The following RPA3 variants were observed in gnomAD, a reference collection of about 807,000 sequenced individuals.
RPA3 encodes the protein replication protein A3, also known as replication protein A 14 kDa subunit.
In RPA3, 24 loss-of-function variants were observed where a neutral mutation model predicts 13.7. The ratio of observed to expected loss-of-function variants is 1.75; its 90% CI spans 1.27 to 2.46. The LOEUF (loss-of-function observed/expected upper bound fraction) is 2.46. Ranked by LOEUF, RPA3 falls within the 30% of genes most tolerant of loss-of-function variation. The pLI is 0.00. For missense variants in RPA3, 183 were observed against 151.0 expected (o/e 1.21, Z -1.11); for synonymous variants, 59 against 51.2 (o/e 1.15, Z -0.65).
At chr7:7,694,634 G>T (rs916888658) in intron 2 of RPA3, among the ~76,000 whole-genome samples, 8 of 150,838 alleles carry the variant, frequency 5.3e-5, no homozygotes, top group Non-Finnish European at 8.8e-5. Flanking sequence ...GTGAGAATAT[G>T]TGAAGTTTAT....
chr7:7,667,757 T>C (rs1779503734), intron 4 of RPA3, among the ~76,000 whole-genome samples: 1 of 152,216 alleles, frequency 6.6e-6, no homozygotes, highest in African/African-American at 2.4e-5. Flanking sequence ...AGAAATATTA[T>C]ATTAAAGAAA....
intron 2 of RPA3, among the ~76,000 whole-genome samples, chr7:7,711,832 C>T (rs567420401): frequency 1.3e-5 from 2 of 152,076 alleles, no homozygotes; most frequent in South Asian, 4.1e-4. Context: ...TTTTCCTTAA[C>T]TTTCATATTT....
At chr7:7,682,868 T>C (rs1267021605) in intron 4 of RPA3, among the ~76,000 whole-genome samples, 1 of 152,252 alleles carries the variant, frequency 6.6e-6, no homozygotes, top group Non-Finnish European at 1.5e-5. Flanking sequence ...TGTAGATGCT[T>C]GTTTTTCTAT....
intron 4 of RPA3, among the ~76,000 whole-genome samples, chr7:7,684,811 G>T (rs116841994): frequency 2.0e-4 from 31 of 152,238 alleles, no homozygotes; most frequent in Non-Finnish European, 4.1e-4. Context: ...TCAGACTAAC[G>T]CATTCAAGCA....
intron 4 of RPA3, among the ~76,000 whole-genome samples, chr7:7,683,992 C>T (rs1056347172): frequency 2.6e-5 from 4 of 152,140 alleles, no homozygotes; most frequent in South Asian, 2.1e-4. Flanking sequence ...CCAAGACCCC[C>T]GCTCATACCA....
At chr7:7,639,040 T>A in intron 6 of RPA3, 30 bp downstream of exon 6, 2 of 1,526,424 alleles carry the variant, frequency 1.3e-6, no homozygotes, top group Middle Eastern at 1.7e-4. Flanking sequence ...AACTATAATA[T>A]ATAAGAGACT....
At chr7:7,648,162 T>C (rs1859603) in intron 4 of RPA3, among the ~76,000 whole-genome samples, 101,288 of 152,058 alleles carry the variant, frequency 0.67, 34,218 homozygotes, top group East Asian at 0.88. Flanking sequence ...AAAGAAGTCA[T>C]TTCGTTCTAA....
intron 2 of RPA3, among the ~76,000 whole-genome samples, chr7:7,696,381 C>A (rs1364831674): frequency 1.3e-5 from 2 of 151,564 alleles, no homozygotes; most frequent in African/African-American, 2.4e-5. Flanking sequence ...ACTGTGAAAT[C>A]ATATTAGATC....
chr7:7,684,202 T>C (rs975909942), intron 4 of RPA3, among the ~76,000 whole-genome samples: 11 of 151,932 alleles, frequency 7.2e-5, no homozygotes, highest in Non-Finnish European at 1.0e-4. Context: ...TTAGCACAGA[T>C]GCAATTTTTT....
chr7:7,662,759 G>A (rs985730745), intron 4 of RPA3, among the ~76,000 whole-genome samples: 1 of 152,068 alleles, frequency 6.6e-6, no homozygotes, highest in African/African-American at 2.4e-5. Context: ...GTTGCTATTC[G>A]GCCATCTTGC....
chr7:7,664,290 A>C (rs576788672), intron 4 of RPA3, among the ~76,000 whole-genome samples: 1 of 152,208 alleles, frequency 6.6e-6, no homozygotes, highest in South Asian at 2.1e-4. Context: ...CACCCATCTT[A>C]ATCCAGTCCC....
intron 4 of RPA3, among the ~76,000 whole-genome samples, chr7:7,649,175 A>AAGAAAAG (rs1554308883): frequency 2.9e-5 from 3 of 104,604 alleles, no homozygotes; most frequent in Non-Finnish European, 5.5e-5. Flanking sequence ...AAAAAAAAAA[A>AAGAAAAG]AAAAGAAAAG....
chr7:7,650,887 C>T (rs962799444), intron 4 of RPA3, among the ~76,000 whole-genome samples: 1 of 152,202 alleles, frequency 6.6e-6, no homozygotes, highest in African/African-American at 2.4e-5. Flanking sequence ...AATGCTGTCC[C>T]TCCCCAACAC....
At chr7:7,682,154 C>T (rs532564859) in intron 4 of RPA3, among the ~76,000 whole-genome samples, 1 of 152,234 alleles carries the variant, frequency 6.6e-6, no homozygotes, top group African/African-American at 2.4e-5. Flanking sequence ...GCAGGTGCTT[C>T]TTCAAGTAGG....
At chr7:7,693,516 T>C (rs1236995265) in intron 2 of RPA3, among the ~76,000 whole-genome samples, 2 of 152,220 alleles carry the variant, frequency 1.3e-5, no homozygotes, top group Non-Finnish European at 2.9e-5. Flanking sequence ...TGGATGTCGA[T>C]AGTTCTTTTA....
intron 4 of RPA3, among the ~76,000 whole-genome samples, chr7:7,650,940 G>C (rs145075234): frequency 3.3e-5 from 5 of 152,286 alleles, no homozygotes; most frequent in African/African-American, 4.8e-5. Flanking sequence ...TGTATAGTCA[G>C]ATTTGTTGTA....
At chr7:7,674,291 C>G (rs1428172503) in intron 4 of RPA3, among the ~76,000 whole-genome samples, 3 of 152,174 alleles carry the variant, frequency 2.0e-5, no homozygotes, top group African/African-American at 7.2e-5. Flanking sequence ...CTCTTACTTC[C>G]TTTATCTTGG....
At chr7:7,705,068 A>G (rs1461715522) in intron 2 of RPA3, among the ~76,000 whole-genome samples, 1 of 152,140 alleles carries the variant, frequency 6.6e-6, no homozygotes, top group Non-Finnish European at 1.5e-5. Context: ...TCTTTCTGGC[A>G]TTGTTATTAT....
chr7:7,640,197 A>G (rs1308995660), intron 5 of RPA3, 123 bp downstream of exon 5: 2 of 1,057,366 alleles, frequency 1.9e-6, no homozygotes, highest in Non-Finnish European at 2.9e-6. Flanking sequence ...TTCCTTGTGC[A>G]AAATAAAGGA....
Sources: allele counts gnomAD v4.1 joint callset (sites outside exome capture counted in the v4.1 genomes callset), GRCh38; gene constraint gnomAD v4.1.1; transcripts MANE v1.5; gene names NCBI Gene and HGNC (gene_info 2026-07-23, HGNC 2026-07-21).